PCDH9: variants seen among roughly 807,000 people sequenced by gnomAD.
The protein encoded by PCDH9 is protocadherin-9.
Under a neutral mutation model 70.6 loss-of-function variants are expected in PCDH9, and 24 were observed. The observed-to-expected ratio is 0.34, with a 90% CI of 0.25 to 0.48. The LOEUF is 0.48. PCDH9 is among the 20% of genes least tolerant of loss of function. The pLI is 0.99. For synonymous variants in PCDH9, 562 were observed against 558.5 expected (o/e 1.01, Z -0.09); for missense variants, 1,281 against 1,503.6 (o/e 0.85, Z 2.45).
intron 2 of PCDH9, among the ~76,000 whole-genome samples, chr13:67,028,867 C>T (rs1436345232): frequency 6.6e-6 from 1 of 152,114 alleles, no homozygotes; most frequent in African/African-American, 2.4e-5. Context: ...TTGGCATCCT[C>T]AAAGAGCTTT....
intron 3 of PCDH9, among the ~76,000 whole-genome samples, chr13:66,699,532 A>G (rs908388445): frequency 6.6e-6 from 1 of 152,154 alleles, no homozygotes; most frequent in Admixed American, 6.6e-5. Context: ...ACACAGAGAG[A>G]AAAGGGAAGT....
chr13:66,970,146 C>G (rs1313935735), intron 2 of PCDH9, among the ~76,000 whole-genome samples: 1 of 151,976 alleles, frequency 6.6e-6, no homozygotes, highest in Non-Finnish European at 1.5e-5. Context: ...GTTGATGCTT[C>G]TTTAAACTGA....
intron 3 of PCDH9, among the ~76,000 whole-genome samples, chr13:66,716,346 T>C (rs2078865877): frequency 6.6e-6 from 1 of 152,210 alleles, no homozygotes; most frequent in African/African-American, 2.4e-5. Context: ...GACAAATTAA[T>C]GTATGTAATT....
At chr13:66,729,830 T>G (rs1000241385) in intron 3 of PCDH9, among the ~76,000 whole-genome samples, 11 of 152,150 alleles carry the variant, frequency 7.2e-5, no homozygotes, top group African/African-American at 2.7e-4. Context: ...TGATCCTCTA[T>G]CCTAATCAAG....
chr13:66,832,993 A>G (rs1279731564), intron 3 of PCDH9, among the ~76,000 whole-genome samples: 1 of 152,174 alleles, frequency 6.6e-6, no homozygotes, highest in Admixed American at 6.5e-5. Flanking sequence ...TCTTCACATC[A>G]TAACAGAATC....
At chr13:66,981,542 T>C (rs1300277961) in intron 2 of PCDH9, among the ~76,000 whole-genome samples, 3 of 152,030 alleles carry the variant, frequency 2.0e-5, no homozygotes, top group Non-Finnish European at 2.9e-5. Context: ...TAATTACTTA[T>C]CTGAAATTTG....
At chr13:66,326,933 C>T (rs1430808362) in intron 4 of PCDH9, among the ~76,000 whole-genome samples, 1 of 151,342 alleles carries the variant, frequency 6.6e-6, no homozygotes, top group Non-Finnish European at 1.5e-5. Context: ...ATCATTCAGA[C>T]AAGCACAATA....
intron 4 of PCDH9, among the ~76,000 whole-genome samples, chr13:66,548,592 T>TA (rs1324802130): frequency 2.7e-5 from 4 of 150,648 alleles, no homozygotes; most frequent in Admixed American, 6.6e-5. Flanking sequence ...GTTCAAAAAC[T>TA]AAAAAAAAAT....
At chr13:66,855,055 A>C (rs1344726838) in intron 3 of PCDH9, among the ~76,000 whole-genome samples, 1 of 152,094 alleles carries the variant, frequency 6.6e-6, no homozygotes, top group Non-Finnish European at 1.5e-5. Context: ...CTAAACACAG[A>C]GTTTGAAAAT....
intron 3 of PCDH9, among the ~76,000 whole-genome samples, chr13:66,839,099 ATAT>A (rs1275919871): frequency 1.3e-5 from 2 of 151,988 alleles, no homozygotes. Context: ...TTTAAAAATA[ATAT>A]TATAAAATTT....
At chr13:66,388,782 G>A (rs1231772476) in intron 4 of PCDH9, among the ~76,000 whole-genome samples, 2 of 152,012 alleles carry the variant, frequency 1.3e-5, no homozygotes, top group Admixed American at 1.3e-4. Context: ...TTTCACAAAT[G>A]TGGTCAGGCA....
chr13:67,094,511 G>A (rs540272815), intron 2 of PCDH9, among the ~76,000 whole-genome samples: 1 of 152,222 alleles, frequency 6.6e-6, no homozygotes, highest in East Asian at 1.9e-4. Flanking sequence ...TTAGAAACAC[G>A]TATTTGCATC....
At chr13:66,581,853 C>T (rs2076896375) in intron 4 of PCDH9, among the ~76,000 whole-genome samples, 1 of 152,128 alleles carries the variant, frequency 6.6e-6, no homozygotes, top group African/African-American at 2.4e-5. Context: ...AAAACTTATA[C>T]CGTCCACCAG....
At chr13:67,015,723 C>G (rs2084547442) in intron 2 of PCDH9, among the ~76,000 whole-genome samples, 1 of 152,184 alleles carries the variant, frequency 6.6e-6, no homozygotes, top group African/African-American at 2.4e-5. Flanking sequence ...AACTGCTTTA[C>G]ATGTTAGTCC....
At chr13:67,075,041 T>C (rs1162194902) in intron 2 of PCDH9, among the ~76,000 whole-genome samples, 1 of 152,002 alleles carries the variant, frequency 6.6e-6, no homozygotes, top group African/African-American at 2.4e-5. Context: ...TGGGTACTTC[T>C]GTTTGCAACC....
chr13:66,869,096 C>T (rs2081626151), intron 3 of PCDH9, among the ~76,000 whole-genome samples: 1 of 152,064 alleles, frequency 6.6e-6, no homozygotes, highest in South Asian at 2.1e-4. Context: ...AATAAGCATA[C>T]ATTCAGTATC....
intron 3 of PCDH9, among the ~76,000 whole-genome samples, chr13:66,892,845 G>A (rs988141365): frequency 6.6e-6 from 1 of 152,024 alleles, no homozygotes; most frequent in African/African-American, 2.4e-5. Flanking sequence ...TAACAAGTAT[G>A]CAGATAATAT....
intron 4 of PCDH9, among the ~76,000 whole-genome samples, chr13:66,493,360 G>T (rs776218372): frequency 6.6e-6 from 1 of 152,002 alleles, no homozygotes; most frequent in Non-Finnish European, 1.5e-5. Flanking sequence ...TGTTCGCAAG[G>T]TTCTATTCTT....
intron 2 of PCDH9, among the ~76,000 whole-genome samples, chr13:67,110,753 T>C (rs555217155): frequency 5.9e-5 from 9 of 152,302 alleles, no homozygotes; most frequent in African/African-American, 2.2e-4. Flanking sequence ...ACTCAGGAAA[T>C]GGCTGAGCCT....
Sources: gnomAD v4.1 joint callset for allele counts (sites outside exome capture counted in the v4.1 genomes callset) on GRCh38, gnomAD v4.1.1 for gene constraint, MANE v1.5 for transcripts, NCBI Gene and HGNC (gene_info 2026-07-23, HGNC 2026-07-21) for gene names.